Variants in PCBP2 observed in about 807,000 individuals in gnomAD.
The protein encoded by PCBP2 is poly(rC) binding protein 2.
A neutral mutation model predicts 50.1 loss-of-function variants in PCBP2; 4 were observed. The observed-to-expected ratio is 0.08, with a 90% CI of 0.04 to 0.18. PCBP2 has a LOEUF of 0.18. PCBP2 is among the 10% of genes least tolerant of loss of function. The pLI is 1.00. For missense variants in PCBP2, 161 were observed against 474.3 expected (o/e 0.34, Z 6.14); for synonymous variants, 179 against 168.0 (o/e 1.07, Z -0.51).
chr12:53,457,764 G>C (rs2137030090), intron 5 of PCBP2, among the ~76,000 whole-genome samples: 1 of 152,174 alleles, frequency 6.6e-6, no homozygotes, highest in East Asian at 1.9e-4. Context: ...GCAGTTTCCA[G>C]GTCTCTAGTT....
chr12:53,471,457 A>C (rs1942228684), intron 13 of PCBP2, among the ~76,000 whole-genome samples, 181 bp from the exon 14 acceptor site: 1 of 150,610 alleles, frequency 6.6e-6, no homozygotes, highest in East Asian at 2.0e-4. Flanking sequence ...ATGCGCCTGT[A>C]GTCCTGCTGA....
chr12:53,473,152 C>T (rs936274427), intron 14 of PCBP2, among the ~76,000 whole-genome samples: 4 of 150,656 alleles, frequency 2.7e-5, no homozygotes, highest in East Asian at 1.9e-4. Flanking sequence ...GGCTCCATCT[C>T]GGCTCACTGC....
At chr12:53,462,961 G>C (rs1475008189) in intron 8 of PCBP2, among the ~76,000 whole-genome samples, 2 of 152,046 alleles carry the variant, frequency 1.3e-5, no homozygotes, top group Admixed American at 6.6e-5. Context: ...CAAAATTTGG[G>C]GGTCCTGAAT....
chr12:53,453,192 T>C (rs1940713293), intron 1 of PCBP2: 1 of 151,124 alleles, frequency 6.6e-6, no homozygotes, highest in Non-Finnish European at 1.5e-5. Flanking sequence ...TGGCTTCAAA[T>C]AGGTTTCCTG....
intron 8 of PCBP2, 46 bp from the exon 9 acceptor site, chr12:53,464,714 G>C (rs1300965208): frequency 6.3e-7 from 1 of 1,597,374 alleles, no homozygotes; most frequent in Admixed American, 1.8e-5. Context: ...GTGACAAGGT[G>C]CCGGATTGAC....
At chr12:53,458,022 G>A (rs1440645075) in intron 5 of PCBP2, among the ~76,000 whole-genome samples, 1 of 152,102 alleles carries the variant, frequency 6.6e-6, no homozygotes, top group African/African-American at 2.4e-5. Flanking sequence ...TCTGACTCCC[G>A]GGTTCAAGCG....
intron 12 of PCBP2, chr12:53,468,521 C>T (rs990151682): frequency 3.9e-6 from 2 of 507,052 alleles, no homozygotes; most frequent in Non-Finnish European, 7.0e-6. Context: ...CTTCCATCCC[C>T]CATCCCTAAT....
chr12:53,453,991 C>T (rs1370370076), intron 1 of PCBP2, among the ~76,000 whole-genome samples: 1 of 152,124 alleles, frequency 6.6e-6, no homozygotes, highest in African/African-American at 2.4e-5. Context: ...GAAATAAAAA[C>T]TGGATGGTAA....
At chr12:53,462,850 C>G (rs1009767296) in intron 8 of PCBP2, among the ~76,000 whole-genome samples, 2 of 152,074 alleles carry the variant, frequency 1.3e-5, no homozygotes, top group Non-Finnish European at 2.9e-5. Context: ...TCTCCCTGTC[C>G]CCACCCCATC....
At chr12:53,456,415 A>G (rs1467428224) in intron 5 of PCBP2, among the ~76,000 whole-genome samples, 1 of 151,720 alleles carries the variant, frequency 6.6e-6, no homozygotes, top group Non-Finnish European at 1.5e-5. Flanking sequence ...CCGAGATCAC[A>G]CCACTGCACT....
chr12:53,473,268 A>G (rs146748115), intron 14 of PCBP2, among the ~76,000 whole-genome samples: 4 of 151,550 alleles, frequency 2.6e-5, no homozygotes, highest in African/African-American at 9.7e-5. Flanking sequence ...TATTTTTAGT[A>G]TAGACGGGGT....
chr12:53,454,747 C>G lies in PCBP2; in HGVS notation c.-54C>G. 1.3e-6 allele frequency: 2 copies of G among 1,485,880 alleles called. No homozygotes were observed. The highest frequency in any genetic ancestry group is 1.9e-6 in the Non-Finnish European group (2 of 1,063,820). 92.0% of individuals were successfully genotyped at this position (1,485,880 alleles called of 1,614,324 possible). On this transcript the variant is annotated 5_prime_UTR_variant, in exon 2 of 15. Transcript: ENST00000546463. ...TTAGTTTTTGGCTTTCACCCCCAAC[C>G]AGTGACCAAAGACTTGACCACTCAA...
At chr12:53,470,333 T>A (rs1431638135) in intron 13 of PCBP2, among the ~76,000 whole-genome samples, 1 of 131,204 alleles carries the variant, frequency 7.6e-6, no homozygotes, top group African/African-American at 2.9e-5. Context: ...GCCAAGATCG[T>A]GCCACTGCAC....
intron 14 of PCBP2, 47 bp downstream of exon 14, chr12:53,471,854 T>G: frequency 1.3e-6 from 2 of 1,531,940 alleles, no homozygotes; most frequent in Non-Finnish European, 1.8e-6. Context: ...CACAGTAATG[T>G]GTGTGTTGGG....
chr12:53,457,336 G>A (rs1002499738), intron 5 of PCBP2, among the ~76,000 whole-genome samples: 2 of 152,150 alleles, frequency 1.3e-5, no homozygotes, highest in African/African-American at 4.8e-5. Flanking sequence ...ACAGGCGTGA[G>A]CCACCATGCC....
At chr12:53,466,195 C>G (rs982175415) in intron 10 of PCBP2, among the ~76,000 whole-genome samples, 3 of 152,234 alleles carry the variant, frequency 2.0e-5, no homozygotes, top group African/African-American at 7.2e-5. Flanking sequence ...AGCACATTAG[C>G]TTCTCCTTTC....
chr12:53,473,305 G>A (rs879902996), intron 14 of PCBP2, among the ~76,000 whole-genome samples: 1 of 151,390 alleles, frequency 6.6e-6, no homozygotes, highest in Non-Finnish European at 1.5e-5. Flanking sequence ...GGATGGCCTC[G>A]ATCTTTTGAC....
In PCBP2 at chr12:53,479,889, C is replaced by CA. The variant is rs1158547971; in HGVS notation, c.*450dup. The stretch of plus-strand genomic sequence containing the variant: ...TGTTATTTTTGTACCTTTTATCCCT[C>CA]AAAGGACCCTTCTTGGGTTTTGAAT... On this transcript the variant is annotated 3_prime_UTR_variant, in exon 15 of 15. Transcript: ENST00000546463. 1 of 153,102 alleles carries CA rather than the reference C, an allele frequency of 6.5e-6. No individual in the cohort carries two copies. Among genetic ancestry groups the CA allele is most frequent in the Non-Finnish European group, 1.5e-5 (1 of 68,746 alleles). The allele number at this position is 153,102 out of a possible 1,614,324, so 9.5% of individuals were successfully genotyped here. A position where few individuals can be genotyped will look rare whatever the true frequency, so the allele number is the denominator to read the frequency against.
chr12:53,472,288 G>T (rs1242373340), intron 14 of PCBP2, among the ~76,000 whole-genome samples: 1 of 152,156 alleles, frequency 6.6e-6, no homozygotes, highest in Non-Finnish European at 1.5e-5. Context: ...TTCTCACACT[G>T]CATGTGTGTT....
Sources: gnomAD v4.1 joint callset for allele counts (sites outside exome capture counted in the v4.1 genomes callset) on GRCh38, gnomAD v4.1.1 for gene constraint, MANE v1.5 for transcripts, NCBI Gene and HGNC (gene_info 2026-07-23, HGNC 2026-07-21) for gene names.